Variants in RGS14 observed in about 807,000 individuals in gnomAD.
RGS14 encodes regulator of G-protein signaling 14.
A neutral mutation model predicts 63.8 loss-of-function variants in RGS14; 33 were observed. The observed-to-expected ratio is 0.52, with a 90% confidence interval of 0.39 to 0.69. The LOEUF (loss-of-function observed/expected upper bound fraction) is 0.69. Ranked by LOEUF, RGS14 falls within the 30% of genes least tolerant of loss-of-function variation. The pLI, the probability that RGS14 is intolerant of heterozygous loss-of-function variation, is 0.00. For synonymous variants in RGS14, 296 were observed against 320.9 expected (o/e 0.92, Z 0.83); for missense variants, 739 against 742.9 (o/e 0.99, Z 0.06).
Position 177,371,081 on chromosome 5 carries a change from G to GGGCGGGGCC in RGS14, c.1254+52_1254+53insCGGGGCCGG, listed in dbSNP as rs1561618791. ...GGCGGGGCGGGGCCGGGCCGGGGCC[G>GGGCGGGGCC]GGGCCGGGGCCGGGGCCGGGGCCGG... is the stretch of plus-strand genomic sequence containing the variant. On this transcript the variant is annotated intron_variant, in intron 11 of 14. Coordinates refer to ENST00000408923, the MANE Select transcript of RGS14 (RefSeq NM_006480.5). The surrounding 1 kb of genome is among the most constrained non-coding windows in gnomAD (Gnocchi z 6.1). The GGGCGGGGCC allele has an allele frequency of 3.3e-6, 1 of 300,128 alleles. No homozygotes were observed. Among genetic ancestry groups the GGGCGGGGCC allele is most frequent in the African/African-American group, 7.9e-5 (1 of 12,738 alleles). 18.6% of individuals were successfully genotyped at this position (300,128 alleles called of 1,614,324 possible). A position where few individuals can be genotyped will look rare whatever the true frequency, so the allele number is the denominator to read the frequency against.
intron 9 of RGS14, chr5:177,369,196 T>G: frequency 1.9e-5 from 9 of 482,228 alleles, no homozygotes; most frequent in East Asian, 3.9e-5. Context: ...CCCCTCATCA[T>G]TCCCAGAGTC....
At chr5:177,367,163 C>G in intron 5 of RGS14, 129 bp downstream of exon 5, 2 of 1,291,022 alleles carry the variant, frequency 1.5e-6, no homozygotes, top group South Asian at 1.4e-5. Context: ...GAGCCAAATG[C>G]CGGGGCAGGC....
At chr5:177,366,382 G>C (rs1261533986) in intron 3 of RGS14, 27 bp downstream of exon 3, 3 of 1,518,058 alleles carry the variant, frequency 2.0e-6, no homozygotes, top group African/African-American at 1.4e-5. Flanking sequence ...GAAAGGGAAG[G>C]GGGGACACGG....
intron 5 of RGS14, 161 bp from the exon 6 acceptor site, chr5:177,367,253 T>C (rs2127332320): frequency 8.6e-7 from 1 of 1,161,474 alleles, no homozygotes; most frequent in Non-Finnish European, 1.2e-6. Flanking sequence ...CGGGGCGGGC[T>C]TGGACCCCGG....
In RGS14 at chr5:177,358,206, G is replaced by C; in HGVS notation, c.45+137G>C. The C allele has an allele frequency of 1.5e-6, 1 of 652,370 alleles. No homozygotes were observed. The highest frequency in any genetic ancestry group is 2.2e-6 in the Non-Finnish European group (1 of 448,358). 40.4% of individuals were successfully genotyped at this position (652,370 alleles called of 1,614,324 possible). A position where few individuals can be genotyped will look rare whatever the true frequency, so the allele number is the denominator to read the frequency against. ...CGAGAGAAGTTGGGTACAGACAGCA[G>C]CAGGTGGTAGGACCTGGTGCTCTCA... On this transcript the variant is annotated intron_variant, in intron 1 of 14. Transcript: ENST00000408923. This position sits in a 1 kb window ranked among gnomAD's most constrained non-coding sequence, Gnocchi z 4.8.
Position 177,364,111 on chromosome 5 carries a change from G to T in RGS14, c.46-1852G>T, listed in dbSNP as rs572280360. Among the ~76,000 whole-genome samples the T allele has an allele frequency of 5.3e-5, 8 of 152,082 alleles. No homozygotes were observed. Among genetic ancestry groups the T allele is most frequent in the Admixed American group, 2.6e-4 (4 of 15,270 alleles). ...GACCGGATCTGGCCCACAGATGGCC[G>T]CCCTGTGACCTGAATACTCTCAGGG... On this transcript the variant is annotated intron_variant, in intron 1 of 14. Transcript: ENST00000408923. The surrounding 1 kb of genome is among the most constrained non-coding windows in gnomAD (Gnocchi z 4.6).
intron 7 of RGS14, 136 bp downstream of exon 7, chr5:177,367,961 C>T: frequency 4.9e-6 from 7 of 1,437,954 alleles, no homozygotes; most frequent in Non-Finnish European, 6.4e-6. Flanking sequence ...GTGACCACCA[C>T]ACTCCCCTGG....
chr5:177,368,660 T>G, intron 8 of RGS14, 57 bp from the exon 9 acceptor site: 1 of 1,556,212 alleles, frequency 6.4e-7, no homozygotes, highest in Non-Finnish European at 8.8e-7. Context: ...TCTGTGTACC[T>G]GTGTGCATGC....
rs1314920944 is a variant in RGS14, at chr5:177,368,140, C to T, written c.740-17C>T. The T allele has an allele frequency of 3.1e-6, 5 of 1,609,648 alleles. No homozygotes were observed. The highest frequency in any genetic ancestry group is 2.5e-6 in the Non-Finnish European group (3 of 1,178,378). ...AGGGCGGGGGGCTGTTCGCGTTCATCGCTCCCTCTTCACTAGAGCTGGGCG... is the reference window on the plus strand; with the variant it reads ...AGGGCGGGGGGCTGTTCGCGTTCATTGCTCCCTCTTCACTAGAGCTGGGCG... On this transcript the variant is annotated splice_polypyrimidine_tract_variant and intron_variant, in intron 7 of 14. Transcript: ENST00000408923.
chr5:177,371,671 A>G lies in RGS14; in HGVS notation c.1498+82A>G, dbSNP rs1246317649. ...TTCAGGGTGGCATCAGAGAGCCTTG[A>G]GCTAAGGCAGGGGGCTGGGTGCCAC... On this transcript the variant is annotated intron_variant, in intron 14 of 14. Coordinates refer to ENST00000408923, the MANE Select transcript of RGS14 (RefSeq NM_006480.5). The surrounding 1 kb of genome is among the most constrained non-coding windows in gnomAD (Gnocchi z 6.1). 6.4e-6 allele frequency: 9 copies of G among 1,414,564 alleles called. No individual in the cohort carries two copies. The highest frequency in any genetic ancestry group is 8.9e-6 in the Non-Finnish European group (9 of 1,013,212). 87.6% of individuals were successfully genotyped at this position (1,414,564 alleles called of 1,614,324 possible). A position where few individuals can be genotyped will look rare whatever the true frequency, so the allele number is the denominator to read the frequency against.
intron 2 of RGS14, 73 bp from the exon 3 acceptor site, chr5:177,366,104 T>TG: frequency 6.6e-7 from 1 of 1,519,812 alleles, no homozygotes; most frequent in Admixed American, 1.8e-5. Flanking sequence ...AGTGGATGCA[T>TG]GGGGGAGGGT....
chr5:177,370,719 C>G (rs1762219546), intron 10 of RGS14, 55 bp downstream of exon 10: 1 of 1,590,190 alleles, frequency 6.3e-7, no homozygotes, highest in Non-Finnish European at 8.6e-7. Context: ...CCTTCAGGCC[C>G]TGTTCTAGCT....
intron 10 of RGS14, 31 bp from the exon 11 acceptor site, chr5:177,370,874 C>A (rs1270768404): frequency 1.3e-5 from 20 of 1,574,296 alleles, no homozygotes; most frequent in Non-Finnish European, 1.6e-5. Flanking sequence ...GCCGGCCCTC[C>A]GGCCCTCTGC....
At chr5:177,370,538 A>T in intron 9 of RGS14, 53 bp from the exon 10 acceptor site, 1 of 1,534,628 alleles carries the variant, frequency 6.5e-7, no homozygotes, top group Non-Finnish European at 9.0e-7. Flanking sequence ...ACCCACAGGG[A>T]TGGCTGGGGG....
rs547049173 is a variant in RGS14, at chr5:177,371,183, C to T, written c.1273C>T (p.Leu425=). The T allele has an allele frequency of 6.8e-5, 110 of 1,613,282 alleles. No homozygotes were observed. In the South Asian group the frequency reaches 1.2e-3, roughly 17 times the overall value. ...VLHRPGEKQP[L]DLGKLVSSVA... ...CCCACAGCCAGGCGAGAAACAGCCT[C>T]TGGATCTGGGGAAGCTAGTGAGCTC... The change falls in exon 12 of 15, where the codon CTG becomes TTG. Residue 425 remains leucine, a synonymous_variant. Coordinates refer to ENST00000408923, the MANE Select transcript of RGS14 (RefSeq NM_006480.5). The surrounding 1 kb of genome is among the most constrained non-coding windows in gnomAD (Gnocchi z 6.1).
chr5:177,368,749 T>C lies in RGS14; in HGVS notation c.882T>C (p.Gly294=). 6.2e-7 allele frequency: 1 copy of C among 1,613,762 alleles called. No individual in the cohort carries two copies. The highest frequency in any genetic ancestry group is 8.5e-7 in the Non-Finnish European group (1 of 1,179,926). The stretch of plus-strand genomic sequence containing the variant: ...GGAAGAGCCTTGGGAGCACGGAGGG[T>C]GAAAGTGAAAGCCGGCCAGGGAAGT... The part of the protein sequence containing the change: ...SHRKSLGSTE[G]ESESRPGKYC... Residue 294 remains glycine (G), a synonymous_variant, in exon 9 of 15, where the codon GGT becomes GGC. Coordinates refer to ENST00000408923, the MANE Select transcript of RGS14 (RefSeq NM_006480.5).
rs754922093 is a variant in RGS14, at chr5:177,368,708, A to G, written c.850-9A>G. 8.7e-6 allele frequency: 14 copies of G among 1,613,802 alleles called. No homozygotes were observed. The South Asian group carries it at 1.5e-4, about 18-fold the overall frequency. ...ACACATAATCTCCCCCACTCCTGCC[A>G]TGAATCAGAGCCACCGGAAGAGCCT... On this transcript the variant is annotated splice_polypyrimidine_tract_variant and intron_variant, in intron 8 of 14. Transcript: ENST00000408923.
chr5:177,370,836 G>C (rs961102372), intron 10 of RGS14, 69 bp from the exon 11 acceptor site: 2 of 1,582,652 alleles, frequency 1.3e-6, no homozygotes, highest in Non-Finnish European at 1.7e-6. Context: ...ACCCCCTCGC[G>C]TTTGTCCTGG....
At position 177,371,438 on chromosome 5, in the gene RGS14, C is replaced by G; in HGVS notation, c.1384-37C>G. 1 of 1,614,144 alleles carries G rather than the reference C, an allele frequency of 6.2e-7. No homozygotes were observed. Among genetic ancestry groups the G allele is most frequent in the South Asian group, 1.1e-5 (1 of 91,076 alleles). On this transcript the variant is annotated intron_variant, in intron 13 of 14. Coordinates refer to ENST00000408923, the MANE Select transcript of RGS14 (RefSeq NM_006480.5). This position sits in a 1 kb window ranked among gnomAD's most constrained non-coding sequence, Gnocchi z 6.1. Reference sequence around the variant, plus strand: ...TGGCCTCTTCCACCCTCTGCTTCTCCCCTCCCGATTTTGGCTCTGACCCCA... The same window carrying G: ...TGGCCTCTTCCACCCTCTGCTTCTCGCCTCCCGATTTTGGCTCTGACCCCA...
Sources: allele counts gnomAD v4.1 joint callset (sites outside exome capture counted in the v4.1 genomes callset), GRCh38; gene constraint gnomAD v4.1.1; non-coding constraint Gnocchi (gnomAD v3.1); transcripts MANE v1.5; gene names NCBI Gene and HGNC (gene_info 2026-07-23, HGNC 2026-07-21).